The following SLC25A26 variants were observed in gnomAD, a reference collection of about 807,000 sequenced individuals.
SLC25A26 encodes the protein solute carrier family 25 member 26.
In SLC25A26, 36 loss-of-function variants were observed where a neutral mutation model predicts 37.8. That is an observed-to-expected ratio of 0.95 (90% CI 0.73 to 1.26). SLC25A26 has a LOEUF of 1.26. SLC25A26 is among the 50% of genes most tolerant of loss of function. The pLI, the probability that SLC25A26 is intolerant of heterozygous loss-of-function variation, is 0.00. For missense variants in SLC25A26, 390 were observed against 331.1 expected, an observed-to-expected ratio of 1.18 and a Z score of -1.38; for synonymous variants, 129 against 122.5, an observed-to-expected ratio of 1.05 and a Z score of -0.35.
rs562157849 is a variant in SLC25A26, at chr3:66,320,684, C to T, written c.454-25680C>T. 3.9e-5 allele frequency among the ~76,000 whole-genome samples: 6 copies of T among 152,280 alleles called. No homozygotes were observed. In the South Asian group the frequency reaches 1.0e-3, roughly 26 times the overall value. ...CAAACTGTTTTCCACAGTGGCTGCACCATTTACACTCCCACCAGCAATGTA... is the reference window on the plus strand; with the variant it reads ...CAAACTGTTTTCCACAGTGGCTGCATCATTTACACTCCCACCAGCAATGTA... On this transcript the variant is annotated intron_variant, in intron 5 of 9. Transcript: ENST00000354883.
At chr3:66,196,567 TTAGC>T (rs1178128957) in intron 1 of SLC25A26, among the ~76,000 whole-genome samples, 21 of 152,314 alleles carry the variant, frequency 1.4e-4, no homozygotes, top group Admixed American at 1.3e-3. Flanking sequence ...TAATTCTAGA[TTAGC>T]TATTTTGTGG....
chr3:66,346,222 C>A (rs2076318950), intron 5 of SLC25A26, 142 bp from the exon 6 acceptor site: 2 of 461,870 alleles, frequency 4.3e-6, no homozygotes, highest in East Asian at 7.2e-5. Context: ...TTTTTCTAAA[C>A]ATTATGTCTA....
chr3:66,293,644 G>C (rs2074792956), intron 5 of SLC25A26, among the ~76,000 whole-genome samples: 2 of 151,906 alleles, frequency 1.3e-5, no homozygotes, highest in African/African-American at 4.8e-5. Flanking sequence ...TGTGGTATTT[G>C]GTTTTCTCTT....
chr3:66,350,724 G>A (rs1207082670), intron 6 of SLC25A26, among the ~76,000 whole-genome samples: 6 of 151,912 alleles, frequency 3.9e-5, no homozygotes, highest in South Asian at 2.1e-4. Flanking sequence ...GAGCGCGCGC[G>A]TGCGCGCACA....
In SLC25A26 at chr3:66,185,528, T is replaced by C. The variant is rs912538331; in HGVS notation, c.-353-35214T>C. Among the ~76,000 whole-genome samples, 17 of 152,268 alleles carry C rather than the reference T, an allele frequency of 1.1e-4. No individual in the cohort carries two copies. The East Asian group carries it at 2.9e-3, about 26-fold the overall frequency. Reference sequence around the variant, plus strand: ...TTTTTTGAGGAACCAACCATATTGTTTTCCATAGCGGCTGTGACCCTATCT... The same window carrying C: ...TTTTTTGAGGAACCAACCATATTGTCTTCCATAGCGGCTGTGACCCTATCT... On this transcript the variant is annotated intron_variant, in intron 1 of 10. Coordinates refer to the SLC25A26 transcript ENST00000676754.
chr3:66,168,900 T>C (rs372927886), intron 1 of SLC25A26, among the ~76,000 whole-genome samples: 122 of 152,352 alleles, frequency 8.0e-4, no homozygotes, highest in African/African-American at 2.8e-3. Flanking sequence ...GGAGGGAGGA[T>C]GGCTTGAGCC....
At chr3:66,359,221 T>G (rs1035003784) in intron 6 of SLC25A26, among the ~76,000 whole-genome samples, 1 of 152,236 alleles carries the variant, frequency 6.6e-6, no homozygotes, top group African/African-American at 2.4e-5. Context: ...TTTTTCTCCC[T>G]AGATTATAAC....
chr3:66,298,723 G>A (rs947117790), intron 5 of SLC25A26, among the ~76,000 whole-genome samples: 7 of 152,118 alleles, frequency 4.6e-5, no homozygotes. Context: ...ATCTGTGTTA[G>A]GAAAGATCAC....
At chr3:66,233,183 A>G (rs1240418740) in intron 1 of SLC25A26, among the ~76,000 whole-genome samples, 1 of 152,240 alleles carries the variant, frequency 6.6e-6, no homozygotes, top group Non-Finnish European at 1.5e-5. Flanking sequence ...TCCTTTTGAG[A>G]AAAAAAGTTT....
intron 2 of SLC25A26, among the ~76,000 whole-genome samples, chr3:66,239,633 T>C (rs2072471305): frequency 6.6e-6 from 1 of 152,194 alleles, no homozygotes; most frequent in Non-Finnish European, 1.5e-5. Context: ...GATCTTGTCA[T>C]GAAATGACTT....
chr3:66,273,015 C>T (rs332344), intron 5 of SLC25A26, among the ~76,000 whole-genome samples: 1 of 151,918 alleles, frequency 6.6e-6, no homozygotes, highest in East Asian at 1.9e-4. Flanking sequence ...GTTTTTGAAT[C>T]TTGTCAAAGG....
At position 66,369,146 on chromosome 3, in the gene SLC25A26, T is replaced by G. The variant is rs1700205051; in HGVS notation, c.569-332T>G. Among the ~76,000 whole-genome samples the G allele has an allele frequency of 2.0e-5, 3 of 151,804 alleles. No homozygotes were observed. In the South Asian group the frequency reaches 6.3e-4, roughly 32 times the overall value. Reference sequence around the variant, plus strand: ...GTCTCACATATTGAGAGTGGGCATCTGGCCACATACATGTATGTCATGTGT... The same window carrying G: ...GTCTCACATATTGAGAGTGGGCATCGGGCCACATACATGTATGTCATGTGT... On this transcript the variant is annotated intron_variant, in intron 7 of 9. Transcript: ENST00000354883.
chr3:66,296,353 C>G (rs952717929), intron 5 of SLC25A26, among the ~76,000 whole-genome samples: 5 of 152,170 alleles, frequency 3.3e-5, no homozygotes, highest in African/African-American at 1.2e-4. Context: ...GTACATCAAA[C>G]ATGTTCAAAA....
intron 5 of SLC25A26, among the ~76,000 whole-genome samples, chr3:66,307,746 T>C (rs1370625237): frequency 6.6e-6 from 1 of 152,230 alleles, no homozygotes; most frequent in African/African-American, 2.4e-5. Flanking sequence ...ACACCATTTA[T>C]TAAATAGGGA....
chr3:66,366,848 C>G (rs565160939), intron 7 of SLC25A26, among the ~76,000 whole-genome samples: 1 of 152,196 alleles, frequency 6.6e-6, no homozygotes, highest in Admixed American at 6.5e-5. Flanking sequence ...TGTGACAGTC[C>G]CAGGTCCCGC....
intron 1 of SLC25A26, among the ~76,000 whole-genome samples, chr3:66,208,692 G>GTATATATA (rs1209909748): frequency 8.0e-6 from 1 of 125,030 alleles, no homozygotes; most frequent in Non-Finnish European, 1.6e-5. Context: ...ATTTATATGG[G>GTATATATA]TATATATATA....
intron 1 of SLC25A26, among the ~76,000 whole-genome samples, chr3:66,209,894 C>T (rs1156505098): frequency 0.039 from 510 of 12,980 alleles, 36 homozygotes; most frequent in African/African-American, 0.083. Flanking sequence ...CTCTCTCTCT[C>T]TATTTATATA....
In SLC25A26 at chr3:66,378,375, C is replaced by T. The variant is rs1183344086; in HGVS notation, c.*568C>T. 2.0e-5 allele frequency: 3 copies of T among 152,806 alleles called. No individual in the cohort carries two copies. Among genetic ancestry groups the T allele is most frequent in the Admixed American group, 6.5e-5 (1 of 15,298 alleles). The allele number at this position is 152,806 out of a possible 1,614,324, so 9.5% of individuals were successfully genotyped here. ...GCTGGTTTTAATTACCCTCAGATTT[C>T]ACCCATAAAAACGCACAATTGTATT... On this transcript the variant is annotated 3_prime_UTR_variant, in exon 10 of 10. Coordinates refer to ENST00000354883, the MANE Select transcript of SLC25A26 (RefSeq NM_001379210.1).
chr3:66,267,406 G>A (rs186863319), intron 5 of SLC25A26, among the ~76,000 whole-genome samples: 13 of 152,142 alleles, frequency 8.5e-5, no homozygotes. Context: ...AGCACGAAGT[G>A]GGGTGTTTGC....
Sources: allele counts gnomAD v4.1 joint callset (sites outside exome capture counted in the v4.1 genomes callset), GRCh38; gene constraint gnomAD v4.1.1; transcripts MANE v1.5; gene names NCBI Gene and HGNC (gene_info 2026-07-23, HGNC 2026-07-21).